The following RASAL2 variants were observed in gnomAD, a reference collection of about 807,000 sequenced individuals.
The protein encoded by RASAL2 is ras GTPase-activating protein nGAP.
In RASAL2, 58 loss-of-function variants were observed where a neutral mutation model predicts 128.9. The ratio of observed to expected loss-of-function variants is 0.45; its 90% CI spans 0.36 to 0.56. The LOEUF is 0.56. Among genes scored for constraint, RASAL2 ranks in the 20% least tolerant of loss-of-function variants. The pLI is 0.00. For missense variants in RASAL2, 1,360 were observed against 1,601.6 expected, an observed-to-expected ratio of 0.85 and a Z score of 2.57; for synonymous variants, 561 against 580.8, an observed-to-expected ratio of 0.97 and a Z score of 0.49.
intron 1 of RASAL2, among the ~76,000 whole-genome samples, chr1:178,210,962 G>C (rs938793409): frequency 6.6e-6 from 1 of 152,126 alleles, no homozygotes; most frequent in African/African-American, 2.4e-5. Flanking sequence ...TGGTTAACCT[G>C]TAGTCCTAGG....
At chr1:178,185,342 A>C (rs935877788) in intron 1 of RASAL2, among the ~76,000 whole-genome samples, 1 of 151,698 alleles carries the variant, frequency 6.6e-6, no homozygotes, top group Non-Finnish European at 1.5e-5. Flanking sequence ...GTTAGGACGT[A>C]TGGTAGGATG....
At chr1:178,192,351 G>C (rs558347490) in intron 1 of RASAL2, among the ~76,000 whole-genome samples, 160 of 151,952 alleles carry the variant, frequency 1.1e-3, no homozygotes, top group Middle Eastern at 3.2e-3. Context: ...TTAACTAAAA[G>C]ACAAAAAAAT....
intron 5 of RASAL2, among the ~76,000 whole-genome samples, chr1:178,434,177 T>C (rs1014303883): frequency 1.2e-4 from 18 of 152,150 alleles, no homozygotes; most frequent in African/African-American, 3.9e-4. Flanking sequence ...TAGGTGCTAG[T>C]AGATTATATT....
chr1:178,273,679 G>T (rs1216539147), intron 1 of RASAL2, among the ~76,000 whole-genome samples: 1 of 152,106 alleles, frequency 6.6e-6, no homozygotes, highest in Non-Finnish European at 1.5e-5. Context: ...TGGAATATAG[G>T]CTCCTGTTAC....
chr1:178,452,310 C>A, intron 10 of RASAL2, 106 bp from the exon 11 acceptor site: 1 of 962,942 alleles, frequency 1.0e-6, no homozygotes, highest in Non-Finnish European at 1.6e-6. Flanking sequence ...AGGTCCTCCT[C>A]ACAGCCTGAC....
At chr1:178,178,571 T>C (rs1429600393) in intron 1 of RASAL2, among the ~76,000 whole-genome samples, 6 of 152,188 alleles carry the variant, frequency 3.9e-5, no homozygotes, top group African/African-American at 4.8e-5. Context: ...CTCAAACATA[T>C]ATTACTAAAT....
chr1:178,274,143 A>G (rs1255873305), intron 1 of RASAL2, among the ~76,000 whole-genome samples: 1 of 152,180 alleles, frequency 6.6e-6, no homozygotes, highest in Non-Finnish European at 1.5e-5. Context: ...GACAACTTTT[A>G]TTTCTAATGT....
chr1:178,152,982 ATATT>A (rs890525101), intron 1 of RASAL2, among the ~76,000 whole-genome samples: 1 of 152,178 alleles, frequency 6.6e-6, no homozygotes, highest in Non-Finnish European at 1.5e-5. Flanking sequence ...TATCCAATAG[ATATT>A]TATTTCCCCT....
At chr1:178,409,066 C>T (rs151301871) in intron 4 of RASAL2, among the ~76,000 whole-genome samples, 12 of 152,210 alleles carry the variant, frequency 7.9e-5, no homozygotes, top group African/African-American at 2.9e-4. Context: ...GAAGAAGGAC[C>T]TTCTTCACAT....
intron 3 of RASAL2, among the ~76,000 whole-genome samples, chr1:178,352,850 A>G (rs1272414892): frequency 6.6e-6 from 1 of 152,228 alleles, no homozygotes; most frequent in East Asian, 1.9e-4. Flanking sequence ...TTCAGCTTGT[A>G]CTGTCTGAAG....
intron 3 of RASAL2, among the ~76,000 whole-genome samples, chr1:178,306,418 T>G (rs1375286200): frequency 6.6e-6 from 1 of 152,212 alleles, no homozygotes; most frequent in Admixed American, 6.5e-5. Flanking sequence ...TACCCAGTAA[T>G]GGGATGGCTG....
rs909711374 is a variant in RASAL2 at position 178,477,620 on chromosome 1, A to G, written c.*4381A>G. ...TATCCCTTGCCCACTCTTAAAATAC[A>G]TAGATACATAAAAAGGCAGTCTCTG... On this transcript the variant is annotated 3_prime_UTR_variant, in exon 18 of 18. Transcript: ENST00000367649. 26 of 152,222 alleles carry G rather than the reference A, an allele frequency of 1.7e-4. No individual in the cohort carries two copies. The highest frequency in any genetic ancestry group is 5.5e-4 in the African/African-American group (23 of 41,452). 9.4% of individuals were successfully genotyped at this position (152,222 alleles called of 1,614,324 possible).
At chr1:178,322,899 G>A (rs746455872) in intron 3 of RASAL2, among the ~76,000 whole-genome samples, 1 of 152,080 alleles carries the variant, frequency 6.6e-6, no homozygotes, top group Non-Finnish European at 1.5e-5. Flanking sequence ...TGTATTCTGG[G>A]TTCTGGCCAC....
chr1:178,289,657 A>G (rs1376019318), intron 2 of RASAL2, among the ~76,000 whole-genome samples: 1 of 152,070 alleles, frequency 6.6e-6, no homozygotes, highest in African/African-American at 2.4e-5. Context: ...TGCATTACAC[A>G]TCTCCACTTG....
chr1:178,433,864 C>T (rs1208300943), intron 5 of RASAL2, among the ~76,000 whole-genome samples: 8 of 149,968 alleles, frequency 5.3e-5, no homozygotes, highest in Non-Finnish European at 1.2e-4. Context: ...TTTCAGTGAG[C>T]TGAGATTGCA....
chr1:178,162,490 A>G (rs1378712896), intron 1 of RASAL2, among the ~76,000 whole-genome samples: 3 of 124,244 alleles, frequency 2.4e-5, no homozygotes, highest in African/African-American at 9.2e-5. Flanking sequence ...TTTATATAAT[A>G]TATATATTTT....
At chr1:178,109,016 A>C (rs1031943428) in intron 1 of RASAL2, among the ~76,000 whole-genome samples, 2 of 152,186 alleles carry the variant, frequency 1.3e-5, no homozygotes, top group African/African-American at 4.8e-5. Context: ...TTCTATGCCT[A>C]TTACTTATGT....
intron 1 of RASAL2, among the ~76,000 whole-genome samples, chr1:178,205,816 T>C (rs939520556): frequency 1.3e-5 from 2 of 152,184 alleles, no homozygotes; most frequent in Non-Finnish European, 2.9e-5. Flanking sequence ...ACTTTAGATG[T>C]ATACGTCCTC....
At chr1:178,152,557 C>T (rs1197849042) in intron 1 of RASAL2, among the ~76,000 whole-genome samples, 6 of 151,912 alleles carry the variant, frequency 3.9e-5, no homozygotes, top group African/African-American at 9.7e-5. Flanking sequence ...CCCAGCTACT[C>T]GGGAGGCTGA....
Sources: gnomAD v4.1 joint callset for allele counts (sites outside exome capture counted in the v4.1 genomes callset) on GRCh38, gnomAD v4.1.1 for gene constraint, MANE v1.5 for transcripts, NCBI Gene and HGNC (gene_info 2026-07-23, HGNC 2026-07-21) for gene names.